Variants in POU2F2 observed in about 807,000 individuals in gnomAD.
POU2F2 encodes POU class 2 homeobox 2.
POU2F2 carries 14 observed loss-of-function variants against 63.5 expected under a neutral mutation model. The ratio of observed to expected loss-of-function variants is 0.22; its 90% CI spans 0.15 to 0.34. The LOEUF (loss-of-function observed/expected upper bound fraction) is 0.34, where lower values mean the gene tolerates loss of function less well. Among genes scored for constraint, POU2F2 ranks in the 10% least tolerant of loss-of-function variants. The probability of loss-of-function intolerance (pLI) is 1.00; values close to 1 mark genes in which losing one functional copy is unlikely to be tolerated. For synonymous variants in POU2F2, 306 were observed against 348.6 expected (o/e 0.88, Z 1.36); for missense variants, 607 against 815.2 (o/e 0.74, Z 3.11).
intron 1 of POU2F2, among the ~76,000 whole-genome samples, chr19:42,181,961 G>C (rs1006532200): frequency 4.6e-5 from 7 of 152,170 alleles, no homozygotes; most frequent in Admixed American, 4.6e-4. Flanking sequence ...ATGTGTGTGC[G>C]TGTGTGTACA....
At chr19:42,174,326 C>T (rs920870584) in intron 1 of POU2F2, among the ~76,000 whole-genome samples, 2 of 152,212 alleles carry the variant, frequency 1.3e-5, no homozygotes, top group Admixed American at 1.3e-4. Context: ...AGTACCCATA[C>T]ACAGAGCCTT....
At chr19:42,185,981 C>G (rs2035008035) in intron 1 of POU2F2, among the ~76,000 whole-genome samples, 1 of 152,138 alleles carries the variant, frequency 6.6e-6, no homozygotes, top group Admixed American at 6.5e-5. Context: ...ACTCGAACTC[C>G]TGGGCTCATG....
At chr19:42,120,569 A>G (rs1291605307) in intron 4 of POU2F2, among the ~76,000 whole-genome samples, 1 of 152,160 alleles carries the variant, frequency 6.6e-6, no homozygotes. Flanking sequence ...CTTTTTTAAC[A>G]GGCCTCTGAG....
At chr19:42,133,281 C>A (rs944438809), upstream of POU2F2, among the ~76,000 whole-genome samples, 31 of 152,220 alleles carry the variant, frequency 2.0e-4, no homozygotes, top group African/African-American at 7.5e-4. This position sits in a 1 kb window ranked among gnomAD's most constrained non-coding sequence, Gnocchi z 5.1. Context: ...GGCCGGAGGG[C>A]GGGGCCGGCT....
chr19:42,191,659 G>A (rs2035076149), intron 1 of POU2F2, among the ~76,000 whole-genome samples: 2 of 152,220 alleles, frequency 1.3e-5, no homozygotes, highest in Admixed American at 1.3e-4. Context: ...GAAGCCAGGA[G>A]GGGTCTGGCA....
chr19:42,145,480 G>T (rs1324450960), intron 2 of POU2F2, among the ~76,000 whole-genome samples: 1 of 152,256 alleles, frequency 6.6e-6, no homozygotes. Context: ...TATTAGCCCA[G>T]ATCGCATGAG....
chr19:42,197,898 G>A (rs957637004), upstream of POU2F2, among the ~76,000 whole-genome samples: 3 of 152,106 alleles, frequency 2.0e-5, no homozygotes, highest in Non-Finnish European at 4.4e-5. Context: ...GGGAGTGGCC[G>A]GGTGCAGCAG....
chr19:42,144,457 G>T (rs1190368616), intron 2 of POU2F2, among the ~76,000 whole-genome samples: 1 of 152,188 alleles, frequency 6.6e-6, no homozygotes. Context: ...CTCCACTCCT[G>T]CTCAGCCTGG....
At position 42,095,653 on chromosome 19, in the gene POU2F2, C is replaced by T. The variant is rs748971202; in HGVS notation, c.912G>A (p.Gln304=). The T allele has an allele frequency of 1.2e-6, 2 of 1,612,894 alleles. No homozygotes were observed. Among genetic ancestry groups the T allele is most frequent in the Admixed American group, 1.7e-5 (1 of 60,000 alleles). Residue 304 remains glutamine (Q), a synonymous_variant, in exon 10 of 15, where the codon CAG becomes CAA. Coordinates refer to ENST00000692977, the MANE Select transcript of POU2F2 (RefSeq NM_001394376.1). The surrounding 1 kb of genome is among the most constrained non-coding windows in gnomAD (Gnocchi z 7.1). ...CGAAACCCAGGCTGGGGCTGCTCAG[C>T]TGGTTGGGGCTGGGCAGGCTTGAGT... ...SVDSSLPSPN[Q]LSSPSLGFDG... is the part of the protein sequence containing the mutation.
intron 1 of POU2F2, among the ~76,000 whole-genome samples, chr19:42,129,358 A>T (rs58751186): frequency 0.016 from 2,402 of 152,084 alleles, 66 homozygotes; most frequent in African/African-American, 0.055. Flanking sequence ...CTCAGGTCAG[A>T]CACCCCTCAA....
intron 1 of POU2F2, among the ~76,000 whole-genome samples, chr19:42,130,130 C>G (rs987830876): frequency 6.6e-6 from 1 of 152,114 alleles, no homozygotes; most frequent in African/African-American, 2.4e-5. Flanking sequence ...TATACAAACT[C>G]ACACACCCGG....
In POU2F2 at chr19:42,096,084, G is replaced by C. The variant is rs2076912410; in HGVS notation, c.727C>G (p.Gln243Glu). 1 of 1,613,434 alleles carries C rather than the reference G, an allele frequency of 6.2e-7. No individual in the cohort carries two copies. Residue 243 changes from glutamine to glutamate, a missense_variant and splice_region_variant, in exon 8 of 15, where the codon CAG becomes GAG. This residue lies in a region of POU2F2 where 25 missense variants were observed against 92.3 expected (regional missense o/e 0.27). Transcript: ENST00000692977. This position sits in a 1 kb window ranked among gnomAD's most constrained non-coding sequence, Gnocchi z 4.1. ...CAGCCTGCAAGGTGCCTCCAGACCT[G>C]CGTGAAGCCCAGCTTGATGCGGCGT... is the stretch of plus-strand genomic sequence containing the variant. ...KQRRIKLGFT[Q>E]GDVGLAMGKL...
intron 1 of POU2F2, among the ~76,000 whole-genome samples, chr19:42,174,466 A>T (rs2034832532): frequency 6.6e-6 from 1 of 152,024 alleles, no homozygotes; most frequent in Admixed American, 6.5e-5. Flanking sequence ...ATGCACACAT[A>T]GCGAGTGATA....
At chr19:42,141,875 A>G (rs770820933) in intron 2 of POU2F2, among the ~76,000 whole-genome samples, 97 of 152,218 alleles carry the variant, frequency 6.4e-4, no homozygotes, top group Non-Finnish European at 7.6e-4. Flanking sequence ...GAGAAAAATA[A>G]GAAACAGTCT....
In POU2F2 at chr19:42,092,218, T is replaced by C; in HGVS notation, c.1317A>G (p.Gly439=). ...VGTLHPSRTA[G]GGGGGGGAAP... Reference sequence around the variant, plus strand: ...CAGCCCCGCCCCCGCCCCCACCCCCTCCAGCTGTCCGGCTGGGGTGGAGCG... The same window carrying C: ...CAGCCCCGCCCCCGCCCCCACCCCCCCCAGCTGTCCGGCTGGGGTGGAGCG... Residue 439 remains glycine (G), a synonymous_variant, in exon 13 of 15, where the codon GGA becomes GGG. Coordinates refer to ENST00000692977, the MANE Select transcript of POU2F2 (RefSeq NM_001394376.1). The surrounding 1 kb of genome is among the most constrained non-coding windows in gnomAD (Gnocchi z 5.0). 6.6e-7 allele frequency: 1 copy of C among 1,525,618 alleles called. No homozygotes were observed. The highest frequency in any genetic ancestry group is 1.4e-5 in the African/African-American group (1 of 73,086). 94.5% of individuals were successfully genotyped at this position (1,525,618 alleles called of 1,614,324 possible).
rs372661876 is a variant in POU2F2, at chr19:42,169,864, G to GTC, written c.-70+6097_-70+6098dup. On this transcript the variant is annotated intron_variant, in intron 1 of 6. Transcript: ENST00000524801. The surrounding 1 kb of genome is among the most constrained non-coding windows in gnomAD (Gnocchi z 4.3). ...CAGTCTGGATGAGTACCTTTTCTCT[G>GTC]TCTCTCTCTCTCTCACACACACACC... is the stretch of plus-strand genomic sequence containing the variant. 5.9e-5 allele frequency among the ~76,000 whole-genome samples: 9 copies of GTC among 151,282 alleles called. No individual in the cohort carries two copies. The highest frequency in any genetic ancestry group is 1.9e-4 in the African/African-American group (8 of 41,134).
chr19:42,144,415 C>G (rs1453041589), intron 2 of POU2F2, among the ~76,000 whole-genome samples: 6 of 152,212 alleles, frequency 3.9e-5, no homozygotes, highest in Non-Finnish European at 1.5e-5. Flanking sequence ...AAGGCCAGGC[C>G]CTCCACTCAG....
intron 2 of POU2F2, chr19:42,157,234 A>C (rs914309906): frequency 2.0e-5 from 3 of 152,312 alleles, no homozygotes; most frequent in African/African-American, 7.2e-5. Context: ...TCGAAATGTA[A>C]CTTAGCCCTC....
rs1181494768 is a variant in POU2F2, at chr19:42,152,659, A to T, written c.-9+7673T>A. 1 of 152,208 alleles carries T rather than the reference A, an allele frequency of 6.6e-6. No individual in the cohort carries two copies. Among genetic ancestry groups the T allele is most frequent in the African/African-American group, 2.4e-5 (1 of 41,350 alleles). The allele number at this position is 152,208 out of a possible 1,614,324, so 9.4% of individuals were successfully genotyped here. Reference sequence around the variant, plus strand: ...CAGGCACCCCCCACCACTCCCCTACAGCAGGAGAGCTTAGGGAGGCTGAGA... The same window carrying T: ...CAGGCACCCCCCACCACTCCCCTACTGCAGGAGAGCTTAGGGAGGCTGAGA... On this transcript the variant is annotated intron_variant, in intron 2 of 6. Transcript: ENST00000524801. The surrounding 1 kb of genome is among the most constrained non-coding windows in gnomAD (Gnocchi z 4.1).
Sources: gnomAD v4.1 joint callset for allele counts (sites outside exome capture counted in the v4.1 genomes callset) on GRCh38, gnomAD v4.1.1 for gene constraint, gnomAD v4.1.1 regional missense constraint, Gnocchi (gnomAD v3.1) non-coding constraint, MANE v1.5 for transcripts, NCBI Gene and HGNC (gene_info 2026-07-23, HGNC 2026-07-21) for gene names.